RMND5A: variants seen among roughly 807,000 people sequenced by gnomAD.
RMND5A encodes the protein required for meiotic nuclear division 5 homolog A, also known as E3 ubiquitin-protein transferase RMND5A.
In RMND5A, 17 loss-of-function variants were observed where a neutral mutation model predicts 49.7. The ratio of observed to expected loss-of-function variants is 0.34; its 90% confidence interval spans 0.23 to 0.51. The LOEUF is 0.51. Ranked by LOEUF, RMND5A falls within the 20% of genes least tolerant of loss-of-function variation. The pLI, the probability that RMND5A is intolerant of heterozygous loss-of-function variation, is 0.96. For synonymous variants in RMND5A, 156 were observed against 167.7 expected (o/e 0.93, Z 0.54); for missense variants, 255 against 471.3 (o/e 0.54, Z 4.25).
At chr2:86,754,925 C>T (rs1681704461) in intron 4 of RMND5A, among the ~76,000 whole-genome samples, 1 of 151,948 alleles carries the variant, frequency 6.6e-6, no homozygotes, top group Non-Finnish European at 1.5e-5. Context: ...GACAGAAATT[C>T]CTGTATAAAT....
intron 2 of RMND5A, chr2:86,748,477 T>C (rs551603280): frequency 4.6e-5 from 7 of 152,292 alleles, no homozygotes; most frequent in African/African-American, 1.7e-4. Context: ...AGCTTGAATG[T>C]AGTTAGATTT....
At chr2:86,754,873 T>C (rs899849829) in intron 4 of RMND5A, among the ~76,000 whole-genome samples, 2 of 152,172 alleles carry the variant, frequency 1.3e-5, no homozygotes, top group African/African-American at 4.8e-5. Flanking sequence ...TTCTCAGTTC[T>C]GAGAAAATTT....
intron 3 of RMND5A, among the ~76,000 whole-genome samples, 180 bp from the exon 4 acceptor site, chr2:86,753,278 T>C (rs868139205): frequency 3.9e-5 from 6 of 152,318 alleles, no homozygotes; most frequent in East Asian, 3.9e-4. Flanking sequence ...CTGCTGAAAT[T>C]TGGGGATTCT....
Position 86,724,187 on chromosome 2 carries a change from C to T in RMND5A, c.142+3378C>T, listed in dbSNP as rs1273498615. Among the ~76,000 whole-genome samples, 3 of 134,692 alleles carry T rather than the reference C, an allele frequency of 2.2e-5. No individual in the cohort carries two copies. The South Asian group carries it at 7.0e-4, about 32-fold the overall frequency. 88.4% of individuals were successfully genotyped at this position (134,692 alleles called of 152,430 possible). On this transcript the variant is annotated intron_variant, in intron 1 of 8. Coordinates refer to ENST00000283632, the MANE Select transcript of RMND5A (RefSeq NM_022780.4). ...TCTGAGAGGGAAGTGCAGGCTTCGA[C>T]TTGGTGCCATAGACAGTTAGGGAAT... is the stretch of plus-strand genomic sequence containing the variant.
At chr2:86,735,006 G>A (rs1681391551) in intron 1 of RMND5A, among the ~76,000 whole-genome samples, 1 of 147,686 alleles carries the variant, frequency 6.8e-6, no homozygotes, top group Non-Finnish European at 1.5e-5. Flanking sequence ...CACAATATGT[G>A]GCCTTTTGTG....
chr2:86,749,418 C>G (rs1289251520), intron 2 of RMND5A, among the ~76,000 whole-genome samples: 1 of 150,458 alleles, frequency 6.6e-6, no homozygotes, highest in Non-Finnish European at 1.5e-5. Flanking sequence ...GAGATGGAGT[C>G]TTGCTCTGTC....
At chr2:86,743,243 G>T (rs990192678) in intron 2 of RMND5A, among the ~76,000 whole-genome samples, 2 of 152,090 alleles carry the variant, frequency 1.3e-5, no homozygotes, top group Non-Finnish European at 2.9e-5. Context: ...TTTGGAAGTG[G>T]ATATCAAGGG....
chr2:86,740,745 T>A (rs1681434861), intron 1 of RMND5A, among the ~76,000 whole-genome samples, 182 bp from the exon 2 acceptor site: 1 of 151,282 alleles, frequency 6.6e-6, no homozygotes, highest in South Asian at 2.1e-4. Context: ...AATAAAAAAA[T>A]TATATCTTTC....
chr2:86,775,934 A>G lies in RMND5A; in HGVS notation c.*2523A>G, dbSNP rs1448103314. On this transcript the variant is annotated 3_prime_UTR_variant, in exon 9 of 9. Coordinates refer to ENST00000283632, the MANE Select transcript of RMND5A (RefSeq NM_022780.4). ...GATGCTTTCTGCATGTCAGCAGTCCAGGAGGATGCTTTTTGTCTCTCTTTG... is the reference window on the plus strand; with the variant it reads ...GATGCTTTCTGCATGTCAGCAGTCCGGGAGGATGCTTTTTGTCTCTCTTTG... 1 of 152,222 alleles carries G rather than the reference A, an allele frequency of 6.6e-6. No individual in the cohort carries two copies. Among genetic ancestry groups the G allele is most frequent in the Admixed American group, 6.5e-5 (1 of 15,276 alleles). 9.4% of individuals were successfully genotyped at this position (152,222 alleles called of 1,614,324 possible).
In RMND5A at chr2:86,732,024, T is replaced by G. The variant is rs1317252800; in HGVS notation, c.143-8903T>G. On this transcript the variant is annotated intron_variant, in intron 1 of 8. Coordinates refer to ENST00000283632, the MANE Select transcript of RMND5A (RefSeq NM_022780.4). ...GTCTTAGGTGGTGATACTTTCAACC[T>G]TCTTGAAAATCATCACCATAACAAT... 4.3e-5 allele frequency among the ~76,000 whole-genome samples: 3 copies of G among 70,064 alleles called. No individual in the cohort carries two copies. The Admixed American group carries it at 4.9e-4, about 12-fold the overall frequency. 46.0% of individuals were successfully genotyped at this position (70,064 alleles called of 152,430 possible). A position where few individuals can be genotyped will look rare whatever the true frequency, so the allele number is the denominator to read the frequency against.
At chr2:86,754,954 T>C (rs975295196) in intron 4 of RMND5A, among the ~76,000 whole-genome samples, 2 of 152,178 alleles carry the variant, frequency 1.3e-5, no homozygotes, top group African/African-American at 4.8e-5. Context: ...AATTCTTGTA[T>C]AAATTATAAT....
At chr2:86,748,805 A>G (rs2104394842) in intron 2 of RMND5A, among the ~76,000 whole-genome samples, 1 of 152,336 alleles carries the variant, frequency 6.6e-6, no homozygotes, top group South Asian at 2.1e-4. Flanking sequence ...TGAGCTGACC[A>G]GCGTGTCTTC....
intron 4 of RMND5A, among the ~76,000 whole-genome samples, chr2:86,757,648 G>C (rs1573440272): frequency 6.6e-6 from 1 of 152,272 alleles, no homozygotes; most frequent in Admixed American, 6.5e-5. Context: ...TTGAAAGAAA[G>C]CACTATCTTT....
chr2:86,751,761 C>A, intron 2 of RMND5A, 135 bp from the exon 3 acceptor site: 1 of 652,816 alleles, frequency 1.5e-6, no homozygotes, highest in African/African-American at 1.8e-5. Context: ...TGGAAAAATT[C>A]CTTCCTTTGG....
chr2:86,760,648 T>C (rs6726451), intron 4 of RMND5A, among the ~76,000 whole-genome samples: 106,917 of 152,046 alleles, frequency 0.7, 37,764 homozygotes, highest in East Asian at 0.91. Flanking sequence ...GTGTCACCTC[T>C]TTAACTCCCA....
chr2:86,752,024 C>T lies in RMND5A; in HGVS notation c.414C>T (p.Leu138=). The T allele has an allele frequency of 6.2e-7, 1 of 1,613,552 alleles. No homozygotes were observed. Among genetic ancestry groups the T allele is most frequent in the Non-Finnish European group, 8.5e-7 (1 of 1,179,752 alleles). Residue 138 remains leucine, a synonymous_variant, in exon 3 of 9, where the codon CTC becomes CTT. Transcript: ENST00000283632. ...GAATGCTGGATGTGGCTGAGGAGCT[C>T]TGTCAGGTAACAGTGTGCCAACTGG... ...RQGMLDVAEE[L]CQESGLSVDP... is the part of the protein sequence containing the mutation.
rs1317172918 is a variant in RMND5A, at chr2:86,728,911, CCTGA to C, written c.142+8105_142+8108del. 2.9e-4 allele frequency among the ~76,000 whole-genome samples: 44 copies of C among 151,624 alleles called. 1 individual carries two copies. Among genetic ancestry groups the C allele is most frequent in the East Asian group, 2.5e-3 (13 of 5,162 alleles). ...GCGATTACAGGCGCATGCCACCAGGCCTGACTATTTTTTTTTTGTATTTTAGTAG... is the reference window on the plus strand; with the variant it reads ...GCGATTACAGGCGCATGCCACCAGGCCTATTTTTTTTTTGTATTTTAGTAG... On this transcript the variant is annotated intron_variant, in intron 1 of 8. Coordinates refer to ENST00000283632, the MANE Select transcript of RMND5A (RefSeq NM_022780.4).
At chr2:86,751,477 G>A (rs1681631920) in intron 2 of RMND5A, among the ~76,000 whole-genome samples, 1 of 152,170 alleles carries the variant, frequency 6.6e-6, no homozygotes, top group Non-Finnish European at 1.5e-5. Context: ...CAATACTGCA[G>A]TTGTTGGGAT....
At chr2:86,769,760 T>C (rs1269376160) in intron 6 of RMND5A, among the ~76,000 whole-genome samples, 1 of 152,198 alleles carries the variant, frequency 6.6e-6, no homozygotes, top group Non-Finnish European at 1.5e-5. Context: ...TAGAGTTTTA[T>C]TTTTTGTTTT....
Sources: gnomAD v4.1 joint callset for allele counts (sites outside exome capture counted in the v4.1 genomes callset) on GRCh38, gnomAD v4.1.1 for gene constraint, MANE v1.5 for transcripts, NCBI Gene and HGNC (gene_info 2026-07-23, HGNC 2026-07-21) for gene names.